PI4KA: variants seen among roughly 807,000 people sequenced by gnomAD.
The protein encoded by PI4KA is phosphatidylinositol 4-kinase alpha.
In PI4KA, 122 loss-of-function variants were observed where a neutral mutation model predicts 271.4. That is an observed-to-expected ratio of 0.45 (90% CI 0.39 to 0.52). The LOEUF (loss-of-function observed/expected upper bound fraction) is 0.52, where lower values mean the gene tolerates loss of function less well. Ranked by LOEUF, PI4KA falls within the 20% of genes least tolerant of loss-of-function variation. The probability of loss-of-function intolerance (pLI) is 0.00; values close to 1 mark genes in which losing one functional copy is unlikely to be tolerated. For synonymous variants in PI4KA, 1,041 were observed against 1,078.8 expected, an observed-to-expected ratio of 0.96 and a Z score of 0.69; for missense variants, 1,969 against 2,769.1, an observed-to-expected ratio of 0.71 and a Z score of 6.48.
intron 3 of PI4KA, among the ~76,000 whole-genome samples, chr22:20,830,435 G>A (rs1924004514): frequency 6.6e-6 from 1 of 152,200 alleles, no homozygotes. Flanking sequence ...TTGGTTGGAA[G>A]TCTATTTTGT....
intron 19 of PI4KA, among the ~76,000 whole-genome samples, chr22:20,788,593 C>G (rs1427754693): frequency 6.6e-6 from 1 of 152,250 alleles, no homozygotes; most frequent in Non-Finnish European, 1.5e-5. Flanking sequence ...CCTGACTTCC[C>G]ACACTGGGCT....
intron 19 of PI4KA, among the ~76,000 whole-genome samples, chr22:20,773,259 C>T (rs1334735597): frequency 6.0e-5 from 9 of 150,610 alleles, no homozygotes; most frequent in African/African-American, 7.4e-5. Flanking sequence ...TGGTGGTGTG[C>T]GCCTGTAATC....
At chr22:20,827,945 C>T (rs866636149) in intron 3 of PI4KA, among the ~76,000 whole-genome samples, 1 of 152,144 alleles carries the variant, frequency 6.6e-6, no homozygotes, top group South Asian at 2.1e-4. Flanking sequence ...CAGGCGTGCA[C>T]TACCATGCCC....
chr22:20,781,472 A>C (rs1042946004), intron 19 of PI4KA, among the ~76,000 whole-genome samples: 3 of 151,562 alleles, frequency 2.0e-5, no homozygotes, highest in Non-Finnish European at 2.9e-5. Flanking sequence ...AAGGAAGGAG[A>C]CCCCCCCCAG....
chr22:20,799,586 G>T, intron 15 of PI4KA, 85 bp downstream of exon 15: 2 of 907,864 alleles, frequency 2.2e-6, no homozygotes, highest in Non-Finnish European at 3.5e-6. Flanking sequence ...AAGGACAGAG[G>T]CATGCATACG....
Position 20,708,048 on chromosome 22 carries a change from C to T in PI4KA, c.6308G>A (p.Ter2103=), listed in dbSNP as rs762917429. 5 of 1,609,180 alleles carry T rather than the reference C, an allele frequency of 3.1e-6. No homozygotes were observed. Among genetic ancestry groups the T allele is most frequent in the Non-Finnish European group, 4.3e-6 (5 of 1,175,704 alleles). ...CAGAGGCCCTCGAAGGTCCCCTCCT[C>T]AGTAGGGGATGTCATTCTGATAGTA... ...IQYYQNDIPY[*] Residue 2103 remains the stop codon, a stop_retained_variant, in exon 55 of 55, where the codon TGA becomes TAA. Transcript: ENST00000255882.
rs751822675 is a variant in PI4KA at position 20,834,606 on chromosome 22, G to A, written c.323C>T (p.Pro108Leu). 83 of 1,611,304 alleles carry A rather than the reference G, an allele frequency of 5.2e-5. No homozygotes were observed. Among genetic ancestry groups the A allele is most frequent in the Non-Finnish European group, 6.8e-5 (80 of 1,177,658 alleles). ...GCTTTCTTCTACCCAATACACTTTT[G>A]GAAGACCTTTGAGAAGTCGAAGAAG... ...PYLLRLLKGL[P>L]KVYWVEESTA... The change falls in exon 3 of 55, where the codon CCA (proline) becomes CTA (leucine). Residue 108 changes from proline (P) to leucine (L), a missense_variant. Pro to Leu is a moderately conservative substitution (Grantham distance 98). This residue lies in a region of PI4KA where 540 missense variants were observed against 555.5 expected (regional missense o/e 0.97). Transcript: ENST00000255882.
chr22:20,779,884 G>C, intron 19 of PI4KA: 1 of 1,614,254 alleles, frequency 6.2e-7, no homozygotes. Context: ...AATGCCAGCA[G>C]CAAGTATGAA....
chr22:20,763,258 T>A (rs1055813478), intron 22 of PI4KA, among the ~76,000 whole-genome samples: 12 of 149,388 alleles, frequency 8.0e-5, no homozygotes, highest in Admixed American at 4.0e-4. Context: ...ACTACAGGCA[T>A]GCACCACCAC....
chr22:20,727,266 C>T lies in PI4KA; in HGVS notation c.4905G>A (p.Ala1635=), dbSNP rs755638928. ...ACCGCAGGACTTTCACCCCGTACTG[C>T]GCCGTGAGAGGGTGCGGCGGGTACA... ...SSMYPPHPLT[A]QYGVKVLRSF... The change falls in exon 41 of 55, where the codon GCG becomes GCA. Residue 1635 remains alanine (A), a synonymous_variant. Transcript: ENST00000255882. 9 of 1,613,258 alleles carry T rather than the reference C, an allele frequency of 5.6e-6. No individual in the cohort carries two copies. The highest frequency in any genetic ancestry group is 4.5e-5 in the East Asian group (2 of 44,860).
chr22:20,850,055 G>A (rs1434092691), intron 1 of PI4KA, among the ~76,000 whole-genome samples: 2 of 152,180 alleles, frequency 1.3e-5, no homozygotes, highest in Non-Finnish European at 2.9e-5. Flanking sequence ...CATGGTGATG[G>A]ATGGACAACT....
At chr22:20,830,522 T>A (rs1463635404) in intron 3 of PI4KA, among the ~76,000 whole-genome samples, 1 of 152,218 alleles carries the variant, frequency 6.6e-6, no homozygotes, top group Admixed American at 6.5e-5. Flanking sequence ...CCTTTTACTT[T>A]GAATGTATGG....
intron 19 of PI4KA, among the ~76,000 whole-genome samples, chr22:20,780,910 G>T (rs1933750515): frequency 6.6e-6 from 1 of 152,086 alleles, no homozygotes; most frequent in East Asian, 1.9e-4. Flanking sequence ...AACTGTTTTA[G>T]CATTTGGCCA....
At chr22:20,721,527 C>T (rs1926737475) in intron 42 of PI4KA, 109 bp from the exon 43 acceptor site, 6 of 1,192,320 alleles carry the variant, frequency 5.0e-6, no homozygotes, top group Non-Finnish European at 7.4e-6. Flanking sequence ...AGGGTAAGGC[C>T]CGGTGGCTCT....
chr22:20,744,705 C>T lies in PI4KA; in HGVS notation c.3379G>A (p.Glu1127Lys), dbSNP rs752626103. The change falls in exon 30 of 55, where the codon GAG (glutamate) becomes AAG (lysine). Residue 1127 changes from glutamate to lysine, a missense_variant. Physicochemically the swap from Glu to Lys is moderately conservative, Grantham distance 56. Transcript: ENST00000255882. ...TCTTTCTTCACACAGGCCGGGCGCT[C>T]GCTCAGCTGAGTTGCCTACAGACAG... ...NTTLGATQLS[E>K]RPACVKKDYS... 1.2e-6 allele frequency: 2 copies of T among 1,613,894 alleles called. No homozygotes were observed. Among genetic ancestry groups the T allele is most frequent in the East Asian group, 2.2e-5 (1 of 44,890 alleles).
At chr22:20,854,231 T>C (rs921889150) in intron 1 of PI4KA, among the ~76,000 whole-genome samples, 2 of 151,888 alleles carry the variant, frequency 1.3e-5, no homozygotes, top group Non-Finnish European at 2.9e-5. Flanking sequence ...AGTGATTCTC[T>C]GGCCTCAGCC....
intron 1 of PI4KA, among the ~76,000 whole-genome samples, chr22:20,840,380 G>A (rs1925401393): frequency 6.6e-6 from 1 of 152,258 alleles, no homozygotes; most frequent in South Asian, 2.1e-4. Flanking sequence ...GGTCCCCAGA[G>A]GGCCCCACAG....
intron 42 of PI4KA, chr22:20,725,598 A>G (rs1178398879): frequency 4.5e-6 from 2 of 445,378 alleles, no homozygotes; most frequent in African/African-American, 4.0e-5. Flanking sequence ...GAAGATGGCT[A>G]TCAATAAGCC....
chr22:20,838,935 G>A (rs1925222231), intron 1 of PI4KA, among the ~76,000 whole-genome samples: 1 of 152,178 alleles, frequency 6.6e-6, no homozygotes, highest in African/African-American at 2.4e-5. Context: ...ATAAAAAATA[G>A]GCCAGGTGCA....
Sources: gnomAD v4.1 joint callset for allele counts (sites outside exome capture counted in the v4.1 genomes callset) on GRCh38, gnomAD v4.1.1 for gene constraint, gnomAD v4.1.1 regional missense constraint, MANE v1.5 for transcripts, NCBI Gene and HGNC (gene_info 2026-07-23, HGNC 2026-07-21) for gene names.